Variants in GABRB1 observed in about 807,000 individuals in gnomAD.
The protein encoded by GABRB1 is gamma-aminobutyric acid receptor subunit beta-1.
In GABRB1, 17 loss-of-function variants were observed where a neutral mutation model predicts 51.6. The ratio of observed to expected loss-of-function variants is 0.33; its 90% confidence interval spans 0.23 to 0.49. GABRB1 has a LOEUF of 0.49. Ranked by LOEUF, GABRB1 falls within the 20% of genes least tolerant of loss-of-function variation. GABRB1 has a pLI of 0.99. For synonymous variants in GABRB1, 247 were observed against 218.9 expected (o/e 1.13, Z -1.14); for missense variants, 410 against 600.6 (o/e 0.68, Z 3.32).
intron 3 of GABRB1, among the ~76,000 whole-genome samples, chr4:47,081,132 C>A (rs908554964): frequency 2.0e-5 from 3 of 152,122 alleles, no homozygotes; most frequent in Non-Finnish European, 4.4e-5. Context: ...GATGACATAA[C>A]GAAGCCTTTG....
chr4:47,263,911 C>G (rs1722548433), intron 4 of GABRB1, among the ~76,000 whole-genome samples: 1 of 151,840 alleles, frequency 6.6e-6, no homozygotes. Flanking sequence ...CTTTGGGAGG[C>G]CAAGGCCAGT....
intron 4 of GABRB1, among the ~76,000 whole-genome samples, chr4:47,190,516 T>C (rs1275109341): frequency 1.3e-5 from 2 of 152,188 alleles, no homozygotes; most frequent in African/African-American, 2.4e-5. Flanking sequence ...ATATCCTTTA[T>C]CTGTGCTTTT....
chr4:47,083,623 CCTGGGT>C (rs1727944624), intron 3 of GABRB1, among the ~76,000 whole-genome samples: 2 of 152,068 alleles, frequency 1.3e-5, no homozygotes, highest in South Asian at 4.1e-4. Context: ...TGAGCTATTT[CCTGGGT>C]CTGTCACATT....
intron 4 of GABRB1, among the ~76,000 whole-genome samples, chr4:47,195,727 A>G (rs1719659071): frequency 6.6e-6 from 1 of 152,194 alleles, no homozygotes; most frequent in South Asian, 2.1e-4. Context: ...TTATACCCAA[A>G]TGGTAATATT....
At chr4:47,144,631 G>A (rs11936171) in intron 3 of GABRB1, among the ~76,000 whole-genome samples, 19,106 of 151,744 alleles carry the variant, frequency 0.13, 1,453 homozygotes, top group East Asian at 0.31. Context: ...ACCTCAAAGG[G>A]GTTAAGTGAC....
intron 1 of GABRB1, among the ~76,000 whole-genome samples, chr4:47,013,891 A>G (rs1724658966): frequency 6.6e-6 from 1 of 152,190 alleles, no homozygotes; most frequent in Non-Finnish European, 1.5e-5. Context: ...CATTATGTAG[A>G]AGATTTAAAT....
chr4:47,211,738 A>T (rs1314245699), intron 4 of GABRB1, among the ~76,000 whole-genome samples: 2 of 152,166 alleles, frequency 1.3e-5, no homozygotes, highest in Non-Finnish European at 1.5e-5. Flanking sequence ...TATCCACAGG[A>T]TGGAGTTCCT....
chr4:47,249,630 T>A (rs2109861370), intron 4 of GABRB1, among the ~76,000 whole-genome samples: 1 of 152,312 alleles, frequency 6.6e-6, no homozygotes, highest in East Asian at 1.9e-4. Flanking sequence ...CATATATGTT[T>A]AGGATTGTGA....
intron 3 of GABRB1, among the ~76,000 whole-genome samples, chr4:47,110,073 T>C (rs1257097134): frequency 1.3e-5 from 2 of 152,104 alleles, no homozygotes; most frequent in African/African-American, 4.8e-5. Flanking sequence ...AAAAAAGAGA[T>C]GAATTTGTTC....
intron 5 of GABRB1, among the ~76,000 whole-genome samples, chr4:47,363,036 G>A (rs1726862729): frequency 1.3e-5 from 2 of 152,076 alleles, no homozygotes; most frequent in Admixed American, 6.5e-5. Flanking sequence ...GTGTGTGTGT[G>A]TGTGTGTTTG....
At chr4:47,313,762 A>G (rs1724788216) in intron 4 of GABRB1, among the ~76,000 whole-genome samples, 1 of 152,092 alleles carries the variant, frequency 6.6e-6, no homozygotes, top group African/African-American at 2.4e-5. Flanking sequence ...ACATAGATTC[A>G]TGAATATGTG....
At chr4:47,274,266 T>C (rs777065736) in intron 4 of GABRB1, among the ~76,000 whole-genome samples, 1 of 152,158 alleles carries the variant, frequency 6.6e-6, no homozygotes, top group Non-Finnish European at 1.5e-5. Flanking sequence ...TAAGCAATAA[T>C]GTACATAAAA....
intron 3 of GABRB1, among the ~76,000 whole-genome samples, chr4:47,070,005 C>A (rs894361034): frequency 6.6e-6 from 1 of 151,776 alleles, no homozygotes; most frequent in Non-Finnish European, 1.5e-5. Context: ...ATTGCACTTG[C>A]CCTTCTTTTT....
chr4:47,382,480 C>T (rs1046346252), intron 5 of GABRB1, among the ~76,000 whole-genome samples: 2 of 152,170 alleles, frequency 1.3e-5, no homozygotes, highest in Non-Finnish European at 2.9e-5. Flanking sequence ...TGGATTGCTT[C>T]TAAGAAGCAC....
intron 8 of GABRB1, among the ~76,000 whole-genome samples, chr4:47,414,273 T>C (rs1049613974): frequency 3.3e-5 from 5 of 152,222 alleles, no homozygotes; most frequent in Non-Finnish European, 5.9e-5. Flanking sequence ...CCCGTCGACA[T>C]GTGCCCAAGG....
intron 3 of GABRB1, among the ~76,000 whole-genome samples, chr4:47,064,063 T>A: frequency 6.6e-6 from 1 of 151,978 alleles, no homozygotes; most frequent in Non-Finnish European, 1.5e-5. Flanking sequence ...AAAATTAAAT[T>A]AAATTAAAAA....
Position 47,264,241 on chromosome 4 carries a change from G to T in GABRB1, c.462-55886G>T, listed in dbSNP as rs368690132. Among the ~76,000 whole-genome samples the T allele has an allele frequency of 1.2e-3, 185 of 152,242 alleles. 1 individual carries two copies. The highest frequency in any genetic ancestry group is 4.2e-3 in the African/African-American group (176 of 41,540). On this transcript the variant is annotated intron_variant, in intron 4 of 8. Coordinates refer to ENST00000295454, the MANE Select transcript of GABRB1 (RefSeq NM_000812.4). ...GACTTCATAGGAAAGACTTAAACCCGTATTTTTTCCTACAATGTTTGCAAC... is the reference window on the plus strand; with the variant it reads ...GACTTCATAGGAAAGACTTAAACCCTTATTTTTTCCTACAATGTTTGCAAC...
At chr4:47,384,607 T>C (rs1239118689) in intron 5 of GABRB1, among the ~76,000 whole-genome samples, 1 of 152,150 alleles carries the variant, frequency 6.6e-6, no homozygotes, top group East Asian at 1.9e-4. Context: ...ATTAGGTAAA[T>C]AAGACTGTTA....
rs1723250965 is a variant in GABRB1, at chr4:47,280,600, T to C, written c.462-39527T>C. Among the ~76,000 whole-genome samples, 3 of 151,560 alleles carry C rather than the reference T, an allele frequency of 2.0e-5. No homozygotes were observed. In the South Asian group the frequency reaches 6.2e-4, roughly 31 times the overall value. On this transcript the variant is annotated intron_variant, in intron 4 of 8. Transcript: ENST00000295454. ...TTTGACACATTATTTCAGCTATTTT[T>C]GTCTGAGAAAGTTTTTATCTCACCA...
Sources: allele counts gnomAD v4.1 joint callset (sites outside exome capture counted in the v4.1 genomes callset), GRCh38; gene constraint gnomAD v4.1.1; transcripts MANE v1.5; gene names NCBI Gene and HGNC (gene_info 2026-07-23, HGNC 2026-07-21).